ROCK2: variants seen among roughly 807,000 people sequenced by gnomAD.
ROCK2 encodes rho-associated protein kinase 2.
In ROCK2, 61 loss-of-function variants were observed where a neutral mutation model predicts 195.1. That is an observed-to-expected ratio of 0.31 (90% CI 0.25 to 0.39). ROCK2 has a LOEUF of 0.39. Ranked by LOEUF, ROCK2 falls within the 10% of genes least tolerant of loss-of-function variation. ROCK2 has a pLI of 1.00. For missense variants in ROCK2, 1,109 were observed against 1,637.4 expected (o/e 0.68, Z 5.57); for synonymous variants, 504 against 545.5 (o/e 0.92, Z 1.06).
At chr2:11,261,300 T>TA (rs750230607) in intron 3 of ROCK2, among the ~76,000 whole-genome samples, 3 of 152,222 alleles carry the variant, frequency 2.0e-5, no homozygotes, top group Non-Finnish European at 2.9e-5. Context: ...GCAGTCATGT[T>TA]ACAAGTACCA....
chr2:11,225,874 T>A (rs10167277), intron 6 of ROCK2, among the ~76,000 whole-genome samples: 49,435 of 152,028 alleles, frequency 0.33, 8,307 homozygotes, highest in East Asian at 0.55. Context: ...TACTATGACA[T>A]GAAACAAAGC....
At chr2:11,329,116 T>G (rs936758082) in intron 1 of ROCK2, among the ~76,000 whole-genome samples, 8 of 152,228 alleles carry the variant, frequency 5.3e-5, no homozygotes, top group Admixed American at 2.6e-4. Context: ...AAAATACACT[T>G]GAAATTAAAA....
At chr2:11,328,306 G>C (rs1318298171) in intron 1 of ROCK2, among the ~76,000 whole-genome samples, 2 of 150,570 alleles carry the variant, frequency 1.3e-5, no homozygotes, top group Non-Finnish European at 3.0e-5. Flanking sequence ...TGCTACATTT[G>C]GGGGGGGAAA....
intron 3 of ROCK2, among the ~76,000 whole-genome samples, chr2:11,277,338 C>G (rs1231634519): frequency 6.6e-6 from 1 of 152,136 alleles, no homozygotes; most frequent in Non-Finnish European, 1.5e-5. Flanking sequence ...CTTTTTTTCC[C>G]CCATAGGTTA....
At chr2:11,323,477 G>C (rs1558393508) in intron 1 of ROCK2, among the ~76,000 whole-genome samples, 1 of 152,080 alleles carries the variant, frequency 6.6e-6, no homozygotes, top group African/African-American at 2.4e-5. Context: ...CATACTATTA[G>C]ACATATATGC....
intron 1 of ROCK2, among the ~76,000 whole-genome samples, chr2:11,340,482 A>G (rs1343571565): frequency 1.3e-5 from 2 of 152,170 alleles, no homozygotes; most frequent in Non-Finnish European, 2.9e-5. Flanking sequence ...ATTTTCTTTA[A>G]ATATCTCCTA....
intron 1 of ROCK2, among the ~76,000 whole-genome samples, chr2:11,315,756 C>T (rs1478258937): frequency 1.3e-5 from 2 of 152,076 alleles, no homozygotes; most frequent in Non-Finnish European, 2.9e-5. Context: ...AAAGATTTCA[C>T]TTTTTTGAAC....
At chr2:11,339,846 T>C (rs569224331) in intron 1 of ROCK2, among the ~76,000 whole-genome samples, 1 of 152,280 alleles carries the variant, frequency 6.6e-6, no homozygotes, top group East Asian at 1.9e-4. Flanking sequence ...GAAGACTGAA[T>C]CCAGCAGCGG....
chr2:11,238,983 A>T (rs11895427), intron 4 of ROCK2, among the ~76,000 whole-genome samples: 2,669 of 144,004 alleles, frequency 0.019, 84 homozygotes, highest in African/African-American at 0.068. Context: ...AAAAATAATT[A>T]AAAAAAAAAA....
chr2:11,336,413 C>A (rs371644868), intron 1 of ROCK2, among the ~76,000 whole-genome samples: 4 of 152,126 alleles, frequency 2.6e-5, no homozygotes, highest in African/African-American at 7.2e-5. Flanking sequence ...CCATGCCTGG[C>A]TAATTTTTTT....
intron 1 of ROCK2, among the ~76,000 whole-genome samples, chr2:11,341,977 T>C (rs889925261): frequency 6.6e-6 from 1 of 152,142 alleles, no homozygotes; most frequent in Non-Finnish European, 1.5e-5. Flanking sequence ...CACTTAAAAA[T>C]GGTTAAAAAT....
At chr2:11,253,744 TA>T (rs1046974742) in intron 3 of ROCK2, among the ~76,000 whole-genome samples, 1 of 152,262 alleles carries the variant, frequency 6.6e-6, no homozygotes, top group African/African-American at 2.4e-5. Flanking sequence ...AAATTTATTT[TA>T]AAAGTGGCCA....
chr2:11,183,524 CATT>C lies in ROCK2; in HGVS notation c.4164-87_4164-85del, dbSNP rs1663082676. The C allele has an allele frequency of 4.1e-6, 4 of 964,486 alleles. No individual in the cohort carries two copies. In the South Asian group the frequency reaches 4.6e-5, roughly 11 times the overall value. The allele number at this position is 964,486 out of a possible 1,614,324, so 59.7% of individuals were successfully genotyped here. A position where few individuals can be genotyped will look rare whatever the true frequency, so the allele number is the denominator to read the frequency against. On this transcript the variant is annotated intron_variant, in intron 32 of 32. Transcript: ENST00000315872. ...ATTCCTAGAAAAAGCATTCCATTCA[CATT>C]ATTAAACTATATAGTCTTCCAGCTA...
At chr2:11,279,654 G>T (rs187293994) in intron 3 of ROCK2, among the ~76,000 whole-genome samples, 1 of 152,270 alleles carries the variant, frequency 6.6e-6, no homozygotes, top group East Asian at 1.9e-4. Flanking sequence ...GAATATAGTG[G>T]AACTCAACAA....
intron 3 of ROCK2, among the ~76,000 whole-genome samples, chr2:11,254,674 T>G (rs961359060): frequency 1.6e-5 from 2 of 125,572 alleles, no homozygotes; most frequent in Non-Finnish European, 3.2e-5. Flanking sequence ...GCAGGAGGAC[T>G]GCTTAAGCCC....
At chr2:11,208,055 T>C (rs954328417) in intron 19 of ROCK2, 145 bp from the exon 20 acceptor site, 18 of 460,682 alleles carry the variant, frequency 3.9e-5, no homozygotes, top group Non-Finnish European at 5.2e-5. Context: ...TTTTTTTGTA[T>C]TTCTAATAAT....
At chr2:11,255,042 C>G (rs1665974618) in intron 3 of ROCK2, among the ~76,000 whole-genome samples, 1 of 151,670 alleles carries the variant, frequency 6.6e-6, no homozygotes, top group South Asian at 2.1e-4. Context: ...ACGGTGAAAC[C>G]CCGTCTGTAC....
At chr2:11,299,762 G>A (rs1052946957) in intron 1 of ROCK2, among the ~76,000 whole-genome samples, 15 of 152,154 alleles carry the variant, frequency 9.9e-5, no homozygotes, top group South Asian at 4.1e-4. Context: ...TATGCAGAAC[G>A]AGTAGCCAAC....
chr2:11,190,820 CAATATT>C (rs1663396522), intron 32 of ROCK2, among the ~76,000 whole-genome samples: 3 of 152,054 alleles, frequency 2.0e-5, no homozygotes, highest in Admixed American at 2.0e-4. Flanking sequence ...AATAGTTCTA[CAATATT>C]AATAATAGAA....
Sources: allele counts gnomAD v4.1 joint callset (sites outside exome capture counted in the v4.1 genomes callset), GRCh38; gene constraint gnomAD v4.1.1; transcripts MANE v1.5; gene names NCBI Gene and HGNC (gene_info 2026-07-23, HGNC 2026-07-21).